The following PDE10A variants were observed in gnomAD, a reference collection of about 807,000 sequenced individuals.
The protein encoded by PDE10A is phosphodiesterase 10A.
In PDE10A, 39 loss-of-function variants were observed where a neutral mutation model predicts 97.7. The ratio of observed to expected loss-of-function variants is 0.40; its 90% confidence interval spans 0.31 to 0.52. The LOEUF (loss-of-function observed/expected upper bound fraction) is 0.52. PDE10A is among the 20% of genes least tolerant of loss of function. PDE10A has a pLI of 0.56. For missense variants in PDE10A, 731 were observed against 1,047.8 expected, an observed-to-expected ratio of 0.70 and a Z score of 4.17; for synonymous variants, 371 against 376.8, an observed-to-expected ratio of 0.98 and a Z score of 0.18.
intron 2 of PDE10A, among the ~76,000 whole-genome samples, chr6:165,534,074 A>G (rs1474378107): frequency 1.3e-5 from 2 of 152,030 alleles, no homozygotes; most frequent in African/African-American, 2.4e-5. Flanking sequence ...AAAAAGAAAG[A>G]AGACTCAAAC....
At chr6:165,942,569 C>T (rs953041328) in intron 1 of PDE10A, among the ~76,000 whole-genome samples, 3 of 152,138 alleles carry the variant, frequency 2.0e-5, no homozygotes, top group African/African-American at 7.2e-5. Flanking sequence ...GCTCGCCGCT[C>T]TGCCCCCGCT....
intron 1 of PDE10A, among the ~76,000 whole-genome samples, chr6:165,633,647 GAC>G (rs1788736367): frequency 6.6e-6 from 1 of 152,068 alleles, no homozygotes; most frequent in Non-Finnish European, 1.5e-5. Flanking sequence ...ATGTTTTTGA[GAC>G]AGAGTCTCAC....
intron 1 of PDE10A, among the ~76,000 whole-genome samples, chr6:165,581,755 T>C (rs1785628889): frequency 6.6e-6 from 1 of 152,230 alleles, no homozygotes; most frequent in South Asian, 2.1e-4. Context: ...TGCTAAATCC[T>C]ACTTGGACTG....
At chr6:165,459,554 CAGACAGAT>C (rs150664400) in intron 3 of PDE10A, among the ~76,000 whole-genome samples, 22,338 of 118,026 alleles carry the variant, frequency 0.19, 2,159 homozygotes, top group South Asian at 0.31. Context: ...GACAGACAGA[CAGACAGAT>C]AGATAGATAA....
At chr6:165,850,692 C>T (rs1344655377) in intron 1 of PDE10A, among the ~76,000 whole-genome samples, 1 of 152,188 alleles carries the variant, frequency 6.6e-6, no homozygotes, top group African/African-American at 2.4e-5. Context: ...CTAAACTTCA[C>T]AGAGGGCGTG....
At chr6:165,816,215 C>G (rs1779407069) in intron 1 of PDE10A, among the ~76,000 whole-genome samples, 2 of 152,152 alleles carry the variant, frequency 1.3e-5, no homozygotes, top group South Asian at 4.1e-4. Context: ...TCCCAAAGTG[C>G]TGGGATTACA....
chr6:165,605,417 C>CAT (rs1787161298), intron 1 of PDE10A, among the ~76,000 whole-genome samples: 8 of 152,250 alleles, frequency 5.3e-5, no homozygotes, highest in African/African-American at 1.4e-4. Flanking sequence ...GTGCTCTGCA[C>CAT]TGTTCTAAAA....
At chr6:165,694,622 C>T (rs1022077130) in intron 1 of PDE10A, among the ~76,000 whole-genome samples, 24 of 152,340 alleles carry the variant, frequency 1.6e-4, no homozygotes, top group South Asian at 2.1e-4. Context: ...CCACAGTGGA[C>T]GCTGCTGCCT....
chr6:165,668,797 G>A (rs1208673130), intron 1 of PDE10A, among the ~76,000 whole-genome samples: 1 of 135,272 alleles, frequency 7.4e-6, no homozygotes, highest in Non-Finnish European at 1.6e-5. Flanking sequence ...GGGAGGAAGG[G>A]GAAGGAAAGG....
intron 1 of PDE10A, among the ~76,000 whole-genome samples, chr6:165,609,098 A>G (rs1787368045): frequency 6.6e-6 from 1 of 152,072 alleles, no homozygotes; most frequent in African/African-American, 2.4e-5. Context: ...CCTGTGCAGA[A>G]GCTCTTTAGT....
At chr6:165,621,946 GC>G (rs1788160097) in intron 1 of PDE10A, among the ~76,000 whole-genome samples, 1 of 152,138 alleles carries the variant, frequency 6.6e-6, no homozygotes, top group Admixed American at 6.5e-5. Flanking sequence ...TCTAGATGGT[GC>G]TGTAAAGGTA....
At chr6:165,390,484 A>C (rs1379171046) in intron 16 of PDE10A, among the ~76,000 whole-genome samples, 1 of 152,206 alleles carries the variant, frequency 6.6e-6, no homozygotes, top group Non-Finnish European at 1.5e-5. Context: ...AGCATATTCT[A>C]AGATGGAAGT....
At chr6:165,694,383 A>G (rs9348035) in intron 1 of PDE10A, among the ~76,000 whole-genome samples, 15,042 of 152,300 alleles carry the variant, frequency 0.099, 1,235 homozygotes, top group East Asian at 0.26. Context: ...GGCTGCGGGC[A>G]CAGCCAGCAA....
chr6:165,979,796 G>A (rs768624123), intron 1 of PDE10A, among the ~76,000 whole-genome samples: 7 of 152,164 alleles, frequency 4.6e-5, no homozygotes, highest in Admixed American at 6.5e-5. Flanking sequence ...CGAAAGTCAC[G>A]ACACTCAGAG....
At chr6:165,802,531 C>A (rs77740846) in intron 1 of PDE10A, among the ~76,000 whole-genome samples, 1 of 152,134 alleles carries the variant, frequency 6.6e-6, no homozygotes. Context: ...GAAGAGCTAC[C>A]GCAAAGTGGT....
chr6:165,807,553 G>A (rs1244095358), intron 1 of PDE10A, among the ~76,000 whole-genome samples: 1 of 152,112 alleles, frequency 6.6e-6, no homozygotes, highest in Admixed American at 6.5e-5. Context: ...GATGGCATGG[G>A]GTTAAGTGAG....
chr6:165,951,759 C>T lies in PDE10A; in HGVS notation c.-615+35770G>A, dbSNP rs117798948. On this transcript the variant is annotated intron_variant, in intron 1 of 19. Transcript: ENST00000366882. Reference sequence around the variant, plus strand: ...TCCTCTCCCACTGCCCTCAATTCTCCAAATCCAGGTGCGGGCACATCTTCT... The same window carrying T: ...TCCTCTCCCACTGCCCTCAATTCTCTAAATCCAGGTGCGGGCACATCTTCT... Among the ~76,000 whole-genome samples, 750 of 152,282 alleles carry T rather than the reference C, an allele frequency of 4.9e-3. 2 individuals are homozygous for T. The highest frequency in any genetic ancestry group is 8.7e-3 in the Non-Finnish European group (595 of 68,032).
intron 1 of PDE10A, among the ~76,000 whole-genome samples, chr6:165,751,951 G>A (rs553176694): frequency 4.6e-4 from 70 of 151,868 alleles, no homozygotes; most frequent in African/African-American, 1.6e-3. Context: ...CATCCTGGTT[G>A]ACATGGTGAA....
intron 1 of PDE10A, among the ~76,000 whole-genome samples, chr6:165,549,400 C>T (rs1222466566): frequency 6.6e-6 from 1 of 152,182 alleles, no homozygotes; most frequent in Non-Finnish European, 1.5e-5. Context: ...TCTCGGCTCA[C>T]TGCAAGCTCC....
Sources: allele counts gnomAD v4.1 joint callset (sites outside exome capture counted in the v4.1 genomes callset), GRCh38; gene constraint gnomAD v4.1.1; transcripts MANE v1.5; gene names NCBI Gene and HGNC (gene_info 2026-07-23, HGNC 2026-07-21).